Variants in WASHC4 observed in about 807,000 individuals in gnomAD.
The protein encoded by WASHC4 is WASH complex subunit 4.
Under a neutral mutation model 166.6 loss-of-function variants are expected in WASHC4, and 86 were observed. That is an observed-to-expected ratio of 0.52 (90% CI 0.43 to 0.62). The LOEUF (loss-of-function observed/expected upper bound fraction) is 0.62, where lower values mean the gene tolerates loss of function less well. Ranked by LOEUF, WASHC4 falls within the 20% of genes least tolerant of loss-of-function variation. The pLI is 0.00. For synonymous variants in WASHC4, 446 were observed against 451.6 expected (o/e 0.99, Z 0.16); for missense variants, 1,262 against 1,382.4 (o/e 0.91, Z 1.38).
chr12:105,164,812 C>A, intron 32 of WASHC4, 72 bp downstream of exon 32: 1 of 996,886 alleles, frequency 1.0e-6, no homozygotes, highest in Non-Finnish European at 1.6e-6. Context: ...ACCATTTTAT[C>A]TGGTCAGACA....
intron 7 of WASHC4, among the ~76,000 whole-genome samples, chr12:105,119,006 A>T (rs926303568): frequency 6.6e-6 from 1 of 152,246 alleles, no homozygotes; most frequent in Non-Finnish European, 1.5e-5. Flanking sequence ...AAATTTATTT[A>T]AATTAAAAAA....
At chr12:105,137,763 G>T (rs937603148) in intron 14 of WASHC4, 123 bp from the exon 15 acceptor site, 20 of 756,184 alleles carry the variant, frequency 2.6e-5, no homozygotes, top group Admixed American at 1.9e-4. Flanking sequence ...TTAAGAGCTG[G>T]CTTTAAGATG....
intron 13 of WASHC4, among the ~76,000 whole-genome samples, chr12:105,130,654 A>G (rs1881712548): frequency 6.6e-6 from 1 of 152,184 alleles, no homozygotes; most frequent in Admixed American, 6.5e-5. Context: ...GTCAGGCTTC[A>G]GAGTTTATGT....
In WASHC4 at chr12:105,121,208, CACCAATTAAA is replaced by C. The variant is rs1403851675; in HGVS notation, c.665+6_665+15del. 2.7e-6 allele frequency: 4 copies of C among 1,464,466 alleles called. No homozygotes were observed. Among genetic ancestry groups the C allele is most frequent in the African/African-American group, 2.8e-5 (2 of 72,026 alleles). 90.7% of individuals were successfully genotyped at this position (1,464,466 alleles called of 1,614,324 possible). A position where few individuals can be genotyped will look rare whatever the true frequency, so the allele number is the denominator to read the frequency against. On this transcript the variant is annotated splice_donor_5th_base_variant and intron_variant, in intron 9 of 32. Transcript: ENST00000332180. ...ACCACTGGACTATGTACAAAAGGTA[CACCAATTAAA>C]ATATTTTAAAATGTTTCTTACTTTG...
At position 105,169,011 on chromosome 12, in the gene WASHC4, A is replaced by T. The variant is rs1397170480; in HGVS notation, c.*2080A>T. On this transcript the variant is annotated 3_prime_UTR_variant, in exon 33 of 33. Coordinates refer to ENST00000332180, the MANE Select transcript of WASHC4 (RefSeq NM_015275.3). ...GACTCACCATAACATTGTCAGTTCT[A>T]ATGAAATTTTGTAAAAGATGGCAAG... 6.6e-6 allele frequency: 1 copy of T among 152,608 alleles called. No homozygotes were observed. The allele number at this position is 152,608 out of a possible 1,614,324, so 9.5% of individuals were successfully genotyped here. A position where few individuals can be genotyped will look rare whatever the true frequency, so the allele number is the denominator to read the frequency against.
At chr12:105,148,790 T>C (rs1282327298) in intron 24 of WASHC4, 2 of 985,210 alleles carry the variant, frequency 2.0e-6, no homozygotes, top group Non-Finnish European at 2.4e-6. Context: ...ATTTAGGGTT[T>C]TCATTTGTAG....
At chr12:105,117,558 A>G (rs931352791) in intron 6 of WASHC4, among the ~76,000 whole-genome samples, 1 of 152,174 alleles carries the variant, frequency 6.6e-6, no homozygotes, top group African/African-American at 2.4e-5. Flanking sequence ...TAAAAATAAA[A>G]TGCGTTATTT....
At chr12:105,148,272 T>C (rs1477888198) in intron 24 of WASHC4, 1 of 985,268 alleles carries the variant, frequency 1.0e-6, no homozygotes, top group African/African-American at 1.7e-5. Context: ...ATCCATGTAA[T>C]GATCATGTTT....
intron 4 of WASHC4, 59 bp from the exon 5 acceptor site, chr12:105,115,125 A>G: frequency 2.3e-6 from 2 of 856,758 alleles, no homozygotes; most frequent in Non-Finnish European, 4.0e-6. Flanking sequence ...CTAAGAGAGC[A>G]TAGGAATTTG....
chr12:105,151,693 A>G (rs1228180232), intron 25 of WASHC4, among the ~76,000 whole-genome samples: 1 of 151,996 alleles, frequency 6.6e-6, no homozygotes, highest in Non-Finnish European at 1.5e-5. Context: ...TATTGGTCAG[A>G]CTGGTCTTGG....
chr12:105,147,373 C>A, intron 24 of WASHC4: 1 of 536,670 alleles, frequency 1.9e-6, no homozygotes, highest in Non-Finnish European at 3.3e-6. Flanking sequence ...CATCTCAGAG[C>A]CATCATTATA....
At chr12:105,133,726 G>T (rs764114013) in intron 13 of WASHC4, 44 bp from the exon 14 acceptor site, 10 of 1,567,232 alleles carry the variant, frequency 6.4e-6, no homozygotes, top group Non-Finnish European at 8.8e-6. Context: ...AGAAATGGAA[G>T]TAAATTTTCT....
In WASHC4 at chr12:105,164,201, A is replaced by G; in HGVS notation, c.3248A>G (p.Glu1083Gly). 1 of 1,614,070 alleles carries G rather than the reference A, an allele frequency of 6.2e-7. No homozygotes were observed. Among genetic ancestry groups the G allele is most frequent in the Non-Finnish European group, 8.5e-7 (1 of 1,179,918 alleles). Reference protein sequence around the residue: ...FQSVREKYLKEIRAVAKQQNV... With the variant: ...FQSVREKYLKGIRAVAKQQNV... ...TCTGTTAGAGAGAAATACCTGAAGG[A>G]GATAAGAGCAGTTGCTAAGCAACAG... is the stretch of plus-strand genomic sequence containing the variant. Residue 1083 changes from glutamate (E) to glycine (G), a missense_variant, in exon 31 of 33, where the codon GAG (glutamate) becomes GGG (glycine). Glu to Gly is a moderately conservative substitution (Grantham distance 98, BLOSUM62 -2). Transcript: ENST00000332180.
intron 12 of WASHC4, among the ~76,000 whole-genome samples, chr12:105,126,804 G>A (rs1196824): frequency 0.87 from 132,672 of 151,650 alleles, 58,245 homozygotes; most frequent in East Asian, 1. Flanking sequence ...AAAAACTTAT[G>A]TACTTAAATA....
chr12:105,137,945 G>A lies in WASHC4; in HGVS notation c.1386G>A (p.Met462Ile). The A allele has an allele frequency of 6.2e-7, 1 of 1,612,682 alleles. No individual in the cohort carries two copies. The highest frequency in any genetic ancestry group is 8.5e-7 in the Non-Finnish European group (1 of 1,178,918). The change falls in exon 15 of 33, where the codon ATG (methionine) becomes ATA (isoleucine). Residue 462 changes from methionine to isoleucine, a missense_variant. Coordinates refer to ENST00000332180, the MANE Select transcript of WASHC4 (RefSeq NM_015275.3). ...TIIKTTMNLY[M>I]SMQKPMTKTS... ...TTAAAACCACAATGAATCTCTACAT[G>A]TCCATGCAAAAGCCAATGACCAAAA...
At chr12:105,131,248 G>T (rs970081031) in intron 13 of WASHC4, among the ~76,000 whole-genome samples, 1 of 150,650 alleles carries the variant, frequency 6.6e-6, no homozygotes, top group East Asian at 1.9e-4. Flanking sequence ...CACCGCGCCC[G>T]GCTAATTTTT....
intron 29 of WASHC4, among the ~76,000 whole-genome samples, 190 bp from the exon 30 acceptor site, chr12:105,162,559 C>T (rs1392392187): frequency 6.6e-6 from 1 of 152,154 alleles, no homozygotes; most frequent in East Asian, 1.9e-4. Context: ...TGAAGATACA[C>T]TTGTATAGAT....
chr12:105,153,545 A>G (rs141706242), intron 26 of WASHC4, among the ~76,000 whole-genome samples: 2 of 152,368 alleles, frequency 1.3e-5, no homozygotes, highest in East Asian at 3.9e-4. Flanking sequence ...TTAAGCGGCA[A>G]ACTTATGGAG....
At chr12:105,143,071 TTTAGA>T (rs1462589689) in intron 19 of WASHC4, 51 bp from the exon 20 acceptor site, 38 of 1,064,542 alleles carry the variant, frequency 3.6e-5, no homozygotes, top group African/African-American at 2.6e-4. Context: ...TGCAGTATTG[TTTAGA>T]TTAGAGACCT....
Sources: allele counts gnomAD v4.1 joint callset (sites outside exome capture counted in the v4.1 genomes callset), GRCh38; gene constraint gnomAD v4.1.1; transcripts MANE v1.5; gene names NCBI Gene and HGNC (gene_info 2026-07-23, HGNC 2026-07-21).